Variants in USP8 observed in about 807,000 individuals in gnomAD.
The protein encoded by USP8 is ubiquitin carboxyl-terminal hydrolase 8.
A neutral mutation model predicts 130.0 loss-of-function variants in USP8; 27 were observed. That is an observed-to-expected ratio of 0.21 (90% CI 0.15 to 0.29). The LOEUF is 0.29. Among genes scored for constraint, USP8 ranks in the 10% least tolerant of loss-of-function variants. USP8 has a pLI of 1.00. For synonymous variants in USP8, 392 were observed against 444.1 expected (o/e 0.88, Z 1.48); for missense variants, 1,029 against 1,312.2 (o/e 0.78, Z 3.33).
chr15:50,472,612 A>G (rs1263540622), intron 8 of USP8, among the ~76,000 whole-genome samples: 2 of 147,052 alleles, frequency 1.4e-5, no homozygotes, highest in African/African-American at 5.0e-5. Flanking sequence ...AAAAAAAAAA[A>G]AAATATTGCA....
At chr15:50,478,696 G>T (rs2051657007) in intron 10 of USP8, among the ~76,000 whole-genome samples, 1 of 152,106 alleles carries the variant, frequency 6.6e-6, no homozygotes, top group Non-Finnish European at 1.5e-5. Context: ...ATCCTTTTGT[G>T]TCCCAACATA....
chr15:50,497,002 C>A, intron 17 of USP8, 87 bp from the exon 18 acceptor site: 2 of 1,479,792 alleles, frequency 1.4e-6, no homozygotes, highest in Non-Finnish European at 1.8e-6. Context: ...TCACTGGTGC[C>A]TGCAGAGTGA....
intron 7 of USP8, among the ~76,000 whole-genome samples, chr15:50,466,025 A>G (rs993293308): frequency 2.6e-5 from 4 of 152,144 alleles, no homozygotes; most frequent in Non-Finnish European, 4.4e-5. Context: ...TTTTTTGGTA[A>G]GAAGGCCTTT....
Position 50,484,359 on chromosome 15 carries a change from AAAGT to A in USP8, c.1890+4_1890+7del. On this transcript the variant is annotated splice_donor_variant and coding_sequence_variant, in exon 12 of 20. Coordinates refer to ENST00000307179, the MANE Select transcript of USP8 (RefSeq NM_005154.5). LOFTEE classifies it high-confidence loss of function. The stretch of plus-strand genomic sequence containing the variant: ...GGATACAGACGATACCGAAAGAAAT[AAAGT>A]AAGTAGTTTATTGCAGGAAAAAACT... 6.2e-7 allele frequency: 1 copy of A among 1,609,486 alleles called. No individual in the cohort carries two copies. Among genetic ancestry groups the A allele is most frequent in the Non-Finnish European group, 8.5e-7 (1 of 1,178,390 alleles).
chr15:50,424,842 G>C (rs201809085), intron 1 of USP8, among the ~76,000 whole-genome samples: 1 of 138,540 alleles, frequency 7.2e-6, no homozygotes, highest in Admixed American at 7.4e-5. Flanking sequence ...TTTTTTTTCT[G>C]CAATCTGCCT....
rs964917251 is a variant in USP8, at chr15:50,493,350, G to A, written c.2447+437G>A. On this transcript the variant is annotated intron_variant, in intron 15 of 19. Transcript: ENST00000307179. ...ATTTTGGTGTAGGGCTACAGTATGT[G>A]AATAATTTCATGTTGACATCAAGAA... 1.3e-5 allele frequency: 7 copies of A among 520,196 alleles called. No individual in the cohort carries two copies. In the African/African-American group the frequency reaches 1.3e-4, roughly 10 times the overall value. The allele number at this position is 520,196 out of a possible 1,614,324, so 32.2% of individuals were successfully genotyped here.
At chr15:50,450,418 A>T (rs1057235049) in intron 4 of USP8, among the ~76,000 whole-genome samples, 7 of 151,198 alleles carry the variant, frequency 4.6e-5, no homozygotes, top group African/African-American at 1.7e-4. Context: ...AAAAATAATT[A>T]CAAAACAAAA....
rs2050258684 is a variant in USP8 at position 50,441,494 on chromosome 15, G to A, written c.249+1G>A. 1 of 1,553,918 alleles carries A rather than the reference G, an allele frequency of 6.4e-7. No individual in the cohort carries two copies. The highest frequency in any genetic ancestry group is 8.6e-7 in the Non-Finnish European group (1 of 1,158,982). ...AAGACCTGATTTCAAGCAACAGCAG[G>A]TACCTTTTATTTTTGCATTGTTATT... On this transcript the variant is annotated splice_donor_variant, in intron 3 of 19. Transcript: ENST00000307179. LOFTEE classifies it high-confidence loss of function.
chr15:50,480,024 G>A (rs187412891), intron 10 of USP8, among the ~76,000 whole-genome samples: 2 of 152,288 alleles, frequency 1.3e-5, no homozygotes, highest in Admixed American at 1.3e-4. Flanking sequence ...GCCTCCCAAA[G>A]TGCTGGTATT....
At chr15:50,440,551 A>G (rs1267681261) in intron 2 of USP8, among the ~76,000 whole-genome samples, 3 of 152,140 alleles carry the variant, frequency 2.0e-5, no homozygotes. Flanking sequence ...CTTTATTTCT[A>G]TTATTATTAC....
intron 1 of USP8, among the ~76,000 whole-genome samples, chr15:50,431,175 G>GTGTGTGTGTGTGTGTT (rs1263511001): frequency 1.3e-5 from 2 of 151,342 alleles, no homozygotes; most frequent in African/African-American, 2.4e-5. Context: ...CTGTGTGTGT[G>GTGTGTGTGTGTGTGTT]TGTGTGTGTG....
chr15:50,438,271 A>G (rs773748726), intron 1 of USP8, among the ~76,000 whole-genome samples: 2 of 152,160 alleles, frequency 1.3e-5, no homozygotes, highest in Non-Finnish European at 2.9e-5. Flanking sequence ...GAACTGGTAG[A>G]ATGAAGATTA....
chr15:50,489,764 A>T, intron 12 of USP8, 37 bp from the exon 13 acceptor site: 1 of 1,339,576 alleles, frequency 7.5e-7, no homozygotes, highest in South Asian at 1.9e-5. Flanking sequence ...ATTTAAAAAA[A>T]ATTTTTTTTT....
intron 3 of USP8, among the ~76,000 whole-genome samples, chr15:50,447,913 A>G (rs1327494761): frequency 1.3e-5 from 2 of 151,452 alleles, no homozygotes; most frequent in African/African-American, 4.9e-5. Context: ...TAATTTTTGC[A>G]TTTTTAGTGG....
At chr15:50,449,573 A>T in intron 4 of USP8, 88 bp downstream of exon 4, 1 of 1,007,640 alleles carries the variant, frequency 9.9e-7, no homozygotes, top group Non-Finnish European at 1.4e-6. Context: ...CTGACGATTC[A>T]TATAATATTC....
chr15:50,484,453 A>G, intron 12 of USP8, 92 bp downstream of exon 12: 2 of 1,044,266 alleles, frequency 1.9e-6, no homozygotes, highest in Non-Finnish European at 2.9e-6. Flanking sequence ...ATCTTTTATC[A>G]TGAGATCTAC....
At chr15:50,489,757 T>A (rs779725110) in intron 12 of USP8, 44 bp from the exon 13 acceptor site, 132 of 1,299,770 alleles carry the variant, frequency 1.0e-4, no homozygotes, top group African/African-American at 3.3e-4. Context: ...AAATCAGATT[T>A]AAAAAAAATT....
At chr15:50,445,569 A>AAAAAAAAAAAAAAAAAT (rs56369706) in intron 3 of USP8, among the ~76,000 whole-genome samples, 1 of 128,388 alleles carries the variant, frequency 7.8e-6, no homozygotes, top group East Asian at 2.6e-4. Flanking sequence ...AAAAAAAAAA[A>AAAAAAAAAAAAAAAAAT]GCCTGGGCAC....
intron 10 of USP8, among the ~76,000 whole-genome samples, chr15:50,478,220 C>T (rs973687046): frequency 3.2e-4 from 48 of 152,190 alleles, no homozygotes; most frequent in African/African-American, 1.1e-3. Context: ...GTTTCATTTC[C>T]TTAGAATTTG....
Sources: allele counts gnomAD v4.1 joint callset (sites outside exome capture counted in the v4.1 genomes callset), GRCh38; gene constraint gnomAD v4.1.1; transcripts MANE v1.5; gene names NCBI Gene and HGNC (gene_info 2026-07-23, HGNC 2026-07-21).